The following B3GALT1 variants were observed in gnomAD, a reference collection of about 807,000 sequenced individuals.
B3GALT1 encodes UDP-Gal:betaGlcNAc beta 1,3-galactosyltransferase, polypeptide 1.
In B3GALT1, 10 loss-of-function variants were observed where a neutral mutation model predicts 23.2. The ratio of observed to expected loss-of-function variants is 0.43; its 90% CI spans 0.27 to 0.73. The LOEUF (loss-of-function observed/expected upper bound fraction) is 0.73. Ranked by LOEUF, B3GALT1 falls within the 30% of genes least tolerant of loss-of-function variation. B3GALT1 has a pLI of 0.21. For missense variants in B3GALT1, 299 were observed against 405.4 expected, an observed-to-expected ratio of 0.74 and a Z score of 2.25; for synonymous variants, 156 against 141.5, an observed-to-expected ratio of 1.10 and a Z score of -0.73.
At chr2:167,307,089 A>G (rs1390489623) in intron 1 of B3GALT1, among the ~76,000 whole-genome samples, 1 of 151,982 alleles carries the variant, frequency 6.6e-6, no homozygotes, top group Non-Finnish European at 1.5e-5. Flanking sequence ...AAAATATTAT[A>G]TTTACCCCAC....
At chr2:167,486,210 T>C (rs1328358586) in intron 1 of B3GALT1, among the ~76,000 whole-genome samples, 18 of 144,176 alleles carry the variant, frequency 1.2e-4, no homozygotes, top group Middle Eastern at 4.1e-3. Context: ...AATACAAAAA[T>C]TAGCTGGGTG....
At position 167,664,944 on chromosome 2, in the gene B3GALT1, T is replaced by C. The variant is rs532515732; in HGVS notation, c.-352+17978T>C. On this transcript the variant is annotated intron_variant, in intron 3 of 4. Coordinates refer to ENST00000392690, the MANE Select transcript of B3GALT1 (RefSeq NM_020981.4). ...TTGACTTCCTCTTTTCCTAATTGAA[T>C]ACCCTTTATTTCCTTCTCCTGCCTA... Among the ~76,000 whole-genome samples, 312 of 150,720 alleles carry C rather than the reference T, an allele frequency of 2.1e-3. 2 individuals are homozygous for C. The highest frequency in any genetic ancestry group is 6.7e-3 in the African/African-American group (272 of 40,832).
chr2:167,585,496 A>G (rs1684571186), intron 2 of B3GALT1, among the ~76,000 whole-genome samples: 1 of 152,254 alleles, frequency 6.6e-6, no homozygotes, highest in Non-Finnish European at 1.5e-5. Context: ...TTAAATCCAA[A>G]TTAGATATAA....
At chr2:167,365,403 T>C (rs1208509082) in intron 1 of B3GALT1, among the ~76,000 whole-genome samples, 1 of 152,190 alleles carries the variant, frequency 6.6e-6, no homozygotes, top group African/African-American at 2.4e-5. Context: ...TATGAAGAGC[T>C]TATTCCACTG....
chr2:167,548,477 T>A (rs1270759500), intron 2 of B3GALT1, among the ~76,000 whole-genome samples: 1 of 152,214 alleles, frequency 6.6e-6, no homozygotes, highest in African/African-American at 2.4e-5. Flanking sequence ...ATTTCTAGGA[T>A]GTCTTTTTAA....
chr2:167,621,958 A>G (rs1407601791), intron 2 of B3GALT1, among the ~76,000 whole-genome samples: 1 of 152,058 alleles, frequency 6.6e-6, no homozygotes, highest in Admixed American at 6.6e-5. Flanking sequence ...GCTTTCCTTT[A>G]TAAATTACCC....
At chr2:167,630,631 C>CA (rs142682826) in intron 2 of B3GALT1, among the ~76,000 whole-genome samples, 4,418 of 137,890 alleles carry the variant, frequency 0.032, 207 homozygotes, top group African/African-American at 0.11. Flanking sequence ...AATTATTCAG[C>CA]AAAAAAAAAA....
chr2:167,481,048 C>G (rs1449054545), intron 1 of B3GALT1, among the ~76,000 whole-genome samples: 1 of 152,096 alleles, frequency 6.6e-6, no homozygotes, highest in Non-Finnish European at 1.5e-5. Flanking sequence ...CTTTTTTTCT[C>G]TCCAGCAGCT....
At chr2:167,597,649 C>G (rs920742359) in intron 2 of B3GALT1, among the ~76,000 whole-genome samples, 2 of 152,146 alleles carry the variant, frequency 1.3e-5, no homozygotes, top group Non-Finnish European at 2.9e-5. Context: ...CTCCGTGTTG[C>G]CTGACACATG....
chr2:167,761,307 A>G (rs1029410603), intron 3 of B3GALT1, among the ~76,000 whole-genome samples: 4 of 152,204 alleles, frequency 2.6e-5, no homozygotes, highest in South Asian at 2.1e-4. Context: ...TGCAGTTGCC[A>G]TTATCAGATC....
At chr2:167,369,129 AGTAT>A (rs1697639899) in intron 1 of B3GALT1, among the ~76,000 whole-genome samples, 1 of 148,102 alleles carries the variant, frequency 6.8e-6, no homozygotes, top group Admixed American at 6.7e-5. Context: ...TTCTATGTCC[AGTAT>A]CTTTGAGTGG....
chr2:167,861,649 CTAATT>C (rs371417911), intron 4 of B3GALT1, among the ~76,000 whole-genome samples: 24 of 152,318 alleles, frequency 1.6e-4, no homozygotes, highest in African/African-American at 5.8e-4. Context: ...TAGAGAGTGA[CTAATT>C]TAAGGTAGCC....
intron 1 of B3GALT1, among the ~76,000 whole-genome samples, chr2:167,430,963 C>T (rs762762584): frequency 2.0e-5 from 3 of 152,138 alleles, no homozygotes; most frequent in Non-Finnish European, 4.4e-5. Flanking sequence ...AAATGAACTG[C>T]TTATCCTTCA....
intron 3 of B3GALT1, among the ~76,000 whole-genome samples, chr2:167,786,290 C>T (rs962204157): frequency 8.5e-5 from 13 of 152,340 alleles, no homozygotes; most frequent in African/African-American, 3.1e-4. Flanking sequence ...AATAGCATCA[C>T]TTGTCTTACA....
intron 4 of B3GALT1, among the ~76,000 whole-genome samples, chr2:167,857,896 C>T (rs1690026297): frequency 6.6e-6 from 1 of 152,010 alleles, no homozygotes; most frequent in Non-Finnish European, 1.5e-5. Flanking sequence ...TGATGATTCT[C>T]TTGGCAAGAT....
chr2:167,811,368 T>C (rs551307586), intron 3 of B3GALT1, among the ~76,000 whole-genome samples: 13 of 152,354 alleles, frequency 8.5e-5, no homozygotes, highest in Middle Eastern at 3.4e-3. Context: ...GGAAACACTT[T>C]CACAGCGGCA....
chr2:167,514,674 A>G (rs775231563), intron 2 of B3GALT1, among the ~76,000 whole-genome samples: 43 of 152,356 alleles, frequency 2.8e-4, no homozygotes, highest in Non-Finnish European at 4.9e-4. Context: ...TTGTCATCAA[A>G]TAAACTGCAC....
intron 2 of B3GALT1, among the ~76,000 whole-genome samples, chr2:167,597,656 C>T (rs542982973): frequency 5.3e-5 from 8 of 152,174 alleles, no homozygotes; most frequent in Non-Finnish European, 1.0e-4. Context: ...TTGCCTGACA[C>T]ATGAATTAGA....
rs138657845 is a variant in B3GALT1, at chr2:167,678,136, C to G, written c.-352+31170C>G. ...AATACCTACCCACCTTCTATCTGCT[C>G]TCTGGGATGTTTTCCTTCATATCCC... On this transcript the variant is annotated intron_variant, in intron 3 of 4. Coordinates refer to ENST00000392690, the MANE Select transcript of B3GALT1 (RefSeq NM_020981.4). 5.1e-3 allele frequency among the ~76,000 whole-genome samples: 774 copies of G among 152,316 alleles called. 9 individuals carry two copies. The highest frequency in any genetic ancestry group is 0.018 in the African/African-American group (729 of 41,570).
Sources: gnomAD v4.1 joint callset for allele counts (sites outside exome capture counted in the v4.1 genomes callset) on GRCh38, gnomAD v4.1.1 for gene constraint, MANE v1.5 for transcripts, NCBI Gene and HGNC (gene_info 2026-07-23, HGNC 2026-07-21) for gene names.